The following ARPC2 variants were observed in gnomAD, a reference collection of about 807,000 sequenced individuals.
ARPC2 encodes actin related protein 2/3 complex subunit 2, also known as actin-related protein 2/3 complex subunit 2.
Under a neutral mutation model 38.6 loss-of-function variants are expected in ARPC2, and 4 were observed. That is an observed-to-expected ratio of 0.10 (90% CI 0.05 to 0.24). The LOEUF is 0.24. Among genes scored for constraint, ARPC2 ranks in the 10% least tolerant of loss-of-function variants. The pLI, the probability that ARPC2 is intolerant of heterozygous loss-of-function variation, is 1.00. For synonymous variants in ARPC2, 125 were observed against 140.8 expected (o/e 0.89, Z 0.79); for missense variants, 229 against 387.3 (o/e 0.59, Z 3.43).
chr2:218,240,836 T>G (rs1374921565), intron 7 of ARPC2, among the ~76,000 whole-genome samples: 1 of 151,958 alleles, frequency 6.6e-6, no homozygotes, highest in Admixed American at 6.6e-5. Context: ...GAGGTTGCAG[T>G]GAGCCAAGAT....
rs144937426 is a variant in ARPC2, at chr2:218,217,477, C to T, written c.7C>T (p.Leu3=). Residue 3 remains leucine, a synonymous_variant, in exon 2 of 11, where the codon CTG becomes TTG. Coordinates refer to ENST00000315717, the MANE Select transcript of ARPC2 (RefSeq NM_152862.3). ...CCTGGGGGCAGCCGCCGCCATGATC[C>T]TGCTGGAGGTGAACAACCGCATCAT... MI[L]LEVNNRIIEE... is the part of the protein sequence containing the mutation. The T allele has an allele frequency of 6.4e-3, 10,354 of 1,613,918 alleles. 85 individuals are homozygous for T. Among genetic ancestry groups the T allele is most frequent in the Admixed American group, 0.034 (2,070 of 60,012 alleles).
intron 8 of ARPC2, among the ~76,000 whole-genome samples, chr2:218,248,703 C>T (rs1690106612): frequency 6.6e-6 from 1 of 152,216 alleles, no homozygotes; most frequent in Admixed American, 6.5e-5. Flanking sequence ...CTCAGATGAT[C>T]AGCCTGCGTC....
At chr2:218,222,661 C>T (rs1468637023) in intron 2 of ARPC2, among the ~76,000 whole-genome samples, 1 of 152,144 alleles carries the variant, frequency 6.6e-6, no homozygotes, top group East Asian at 1.9e-4. Context: ...CCTCTCCCAA[C>T]CACAGCTTCA....
intron 4 of ARPC2, among the ~76,000 whole-genome samples, chr2:218,231,550 C>G (rs542041625): frequency 6.6e-6 from 1 of 152,096 alleles, no homozygotes; most frequent in African/African-American, 2.4e-5. Context: ...ATGCATGTTA[C>G]TTTTTTTTAA....
At chr2:218,250,599 G>T (rs1389255705) in intron 10 of ARPC2, among the ~76,000 whole-genome samples, 1 of 151,694 alleles carries the variant, frequency 6.6e-6, no homozygotes, top group African/African-American at 2.4e-5. Context: ...AGGAGGCAGA[G>T]GTCGCAGTGA....
At chr2:218,239,891 T>TGATATTTTTTTTCCCAG (rs1689869731) in intron 7 of ARPC2, among the ~76,000 whole-genome samples, 1 of 151,310 alleles carries the variant, frequency 6.6e-6, no homozygotes, top group African/African-American at 2.4e-5. Flanking sequence ...ATGCCCAGCC[T>TGATATTTTTTTTCCCAG]TGACGTTAGA....
At chr2:218,243,780 A>C (rs1163675993) in intron 7 of ARPC2, among the ~76,000 whole-genome samples, 1 of 152,204 alleles carries the variant, frequency 6.6e-6, no homozygotes, top group African/African-American at 2.4e-5. Context: ...TGTCTCAAAA[A>C]AGAAAGAAAG....
intron 2 of ARPC2, among the ~76,000 whole-genome samples, chr2:218,217,962 C>G (rs966570548): frequency 6.6e-6 from 1 of 152,178 alleles, no homozygotes; most frequent in Admixed American, 6.5e-5. Flanking sequence ...TTCAGGAATT[C>G]CCAGGACTGG....
intron 3 of ARPC2, chr2:218,227,214 C>T (rs1689521072): frequency 3.1e-6 from 1 of 319,598 alleles, no homozygotes; most frequent in Non-Finnish European, 6.4e-6. Context: ...TTTCAGGAAC[C>T]TATTCCTAGT....
intron 8 of ARPC2, among the ~76,000 whole-genome samples, chr2:218,247,073 T>C (rs996161264): frequency 3.9e-5 from 6 of 152,092 alleles, no homozygotes; most frequent in African/African-American, 1.4e-4. Flanking sequence ...TGCAGTGAGC[T>C]GTGATGGCAC....
chr2:218,220,845 A>G (rs1689366616), intron 2 of ARPC2, among the ~76,000 whole-genome samples: 1 of 152,214 alleles, frequency 6.6e-6, no homozygotes, highest in Admixed American at 6.5e-5. Flanking sequence ...TGGCTTATTG[A>G]AACAACTCAT....
chr2:218,231,229 C>CAT (rs3084614), intron 4 of ARPC2, among the ~76,000 whole-genome samples: 146,476 of 152,178 alleles, frequency 0.96, 70,718 homozygotes, highest in East Asian at 1. Flanking sequence ...CTCCTGGTGT[C>CAT]ATTGGGAGAG....
At chr2:218,229,508 AAT>A (rs1460811169) in intron 4 of ARPC2, among the ~76,000 whole-genome samples, 1 of 152,274 alleles carries the variant, frequency 6.6e-6, no homozygotes, top group Non-Finnish European at 1.5e-5. Context: ...CAAAGCAGGA[AAT>A]ATGACTCAGT....
chr2:218,227,814 A>G (rs1689537698), intron 3 of ARPC2, among the ~76,000 whole-genome samples: 1 of 150,932 alleles, frequency 6.6e-6, no homozygotes, highest in Non-Finnish European at 1.5e-5. Context: ...CTGGTTTTGA[A>G]CTCCTGACCT....
chr2:218,222,702 G>A (rs1184940681), intron 2 of ARPC2, among the ~76,000 whole-genome samples: 1 of 152,184 alleles, frequency 6.6e-6, no homozygotes, highest in Non-Finnish European at 1.5e-5. Flanking sequence ...CCTAGGAGAA[G>A]AACTAATTTA....
rs1176000008 is a variant in ARPC2, at chr2:218,225,936, G to A, written c.91G>A (p.Val31Ile). Residue 31 changes from valine to isoleucine, a missense_variant, in exon 3 of 11, where the codon GTA (valine) becomes ATA (isoleucine). Transcript: ENST00000315717. Reference sequence around the variant, plus strand: ...TGTTTACAGAAACAAACCGGAAGCAGTAGAAGTAACATTTGCAGGTAAGCA... The same window carrying A: ...TGTTTACAGAAACAAACCGGAAGCAATAGAAGTAACATTTGCAGGTAAGCA... ...NAAAGNKPEA[V>I]EVTFADFDGV... 2.5e-6 allele frequency: 4 copies of A among 1,613,646 alleles called. No homozygotes were observed. The highest frequency in any genetic ancestry group is 1.1e-5 in the South Asian group (1 of 91,076).
intron 2 of ARPC2, 29 bp downstream of exon 2, chr2:218,217,573 C>CG: frequency 3.1e-6 from 5 of 1,593,208 alleles, no homozygotes; most frequent in Non-Finnish European, 4.3e-6. Flanking sequence ...CCGGGGGTGG[C>CG]GGGGGAAGCA....
chr2:218,240,903 G>A (rs1398886122), intron 7 of ARPC2, among the ~76,000 whole-genome samples: 2 of 121,370 alleles, frequency 1.6e-5, no homozygotes, highest in African/African-American at 3.1e-5. Context: ...CAAAAAAAAA[G>A]AGAGTCCTGA....
chr2:218,229,933 A>G (rs1212984877), intron 4 of ARPC2, among the ~76,000 whole-genome samples: 1 of 152,202 alleles, frequency 6.6e-6, no homozygotes, highest in Non-Finnish European at 1.5e-5. Flanking sequence ...TTACCAGATA[A>G]AGAGTGAAAG....
Sources: gnomAD v4.1 joint callset for allele counts (sites outside exome capture counted in the v4.1 genomes callset) on GRCh38, gnomAD v4.1.1 for gene constraint, MANE v1.5 for transcripts, NCBI Gene and HGNC (gene_info 2026-07-23, HGNC 2026-07-21) for gene names.